TTLL11: variants seen among roughly 807,000 people sequenced by gnomAD.
The protein encoded by TTLL11 is tubulin tyrosine ligase like 11.
In TTLL11, 42 loss-of-function variants were observed where a neutral mutation model predicts 51.7. The ratio of observed to expected loss-of-function variants is 0.81; its 90% CI spans 0.64 to 1.05. TTLL11 has a LOEUF of 1.05. Among genes scored for constraint, TTLL11 ranks in the 50% least tolerant of loss-of-function variants. The pLI is 0.00. For synonymous variants in TTLL11, 381 were observed against 383.5 expected, an observed-to-expected ratio of 0.99 and a Z score of 0.08; for missense variants, 799 against 940.4, an observed-to-expected ratio of 0.85 and a Z score of 1.97.
chr9:121,943,256 C>T (rs1345273950), intron 6 of TTLL11, among the ~76,000 whole-genome samples: 1 of 152,148 alleles, frequency 6.6e-6, no homozygotes, highest in Admixed American at 6.5e-5. Flanking sequence ...CAGTCAAGGG[C>T]CAACTGTATT....
At position 121,989,410 on chromosome 9, in the gene TTLL11, C is replaced by A. The variant is rs765978069; in HGVS notation, c.1054G>T (p.Gly352Cys). The A allele has an allele frequency of 6.2e-7, 1 of 1,613,980 alleles. No homozygotes were observed. The highest frequency in any genetic ancestry group is 1.1e-5 in the South Asian group (1 of 91,076). ...LTNYSLNIHSGNFIHSDSAST... is the reference protein window; with the variant it reads ...LTNYSLNIHSCNFIHSDSAST... ...GCACTGTCCGAGTGGATGAAGTTGCCGCTGTGGATGTTCAGTGAATAGTTG... is the reference window on the plus strand; with the variant it reads ...GCACTGTCCGAGTGGATGAAGTTGCAGCTGTGGATGTTCAGTGAATAGTTG... The change falls in exon 4 of 9, where the codon GGC becomes TGC. Residue 352 changes from glycine (G) to cysteine (C), a missense_variant. By Grantham distance (159) the Gly-to-Cys change is radical (BLOSUM62 -3). Around this residue, in one of 3 missense-constraint regions of TTLL11, gnomAD observed 468 missense variants for 612.8 expected, o/e 0.76. Transcript: ENST00000321582. The surrounding 1 kb of genome is among the most constrained non-coding windows in gnomAD (Gnocchi z 4.2).
At chr9:121,916,266 T>C (rs1438626287) in intron 6 of TTLL11, among the ~76,000 whole-genome samples, 4 of 152,188 alleles carry the variant, frequency 2.6e-5, no homozygotes, top group Non-Finnish European at 5.9e-5. Context: ...GAATCATACA[T>C]AGTGTGATCC....
chr9:121,838,738 A>G, intron 8 of TTLL11, among the ~76,000 whole-genome samples: 1 of 150,898 alleles, frequency 6.6e-6, no homozygotes, highest in Admixed American at 6.6e-5. Flanking sequence ...AAAAGAAAGA[A>G]AGAAAGAGAG....
intron 8 of TTLL11, among the ~76,000 whole-genome samples, chr9:121,832,182 A>G (rs78932080): frequency 0.016 from 2,448 of 152,214 alleles, 65 homozygotes; most frequent in African/African-American, 0.054. Context: ...TTGGTGGGAG[A>G]CACAATTTGG....
rs71508142 is a variant in TTLL11, at chr9:121,873,831, C to CTTTTTTTTTT, written c.1482-3093_1482-3084dup. On this transcript the variant is annotated intron_variant, in intron 6 of 8. Coordinates refer to ENST00000321582, the MANE Select transcript of TTLL11 (RefSeq NM_001139442.2). The stretch of plus-strand genomic sequence containing the variant: ...CAGGTGTGCACCACCATTAGCCTGA[C>CTTTTTTTTTT]TTTTTTTTTTTTTTTTTTTTTTTGA... 5.2e-5 allele frequency among the ~76,000 whole-genome samples: 4 copies of CTTTTTTTTTT among 77,390 alleles called. 1 individual carries two copies. Among genetic ancestry groups the CTTTTTTTTTT allele is most frequent in the African/African-American group, 2.4e-4 (4 of 16,954 alleles). The allele number at this position is 77,390 out of a possible 152,430, so 50.8% of individuals were successfully genotyped here. A position where few individuals can be genotyped will look rare whatever the true frequency, so the allele number is the denominator to read the frequency against.
intron 6 of TTLL11, among the ~76,000 whole-genome samples, chr9:121,942,215 C>T (rs1841503527): frequency 6.6e-6 from 1 of 152,216 alleles, no homozygotes. Flanking sequence ...CAGACTCACC[C>T]TGCCTTAGGG....
At chr9:121,971,182 C>T (rs1194228386) in intron 6 of TTLL11, among the ~76,000 whole-genome samples, 32 of 77,038 alleles carry the variant, frequency 4.2e-4, no homozygotes, top group African/African-American at 8.5e-4. Flanking sequence ...GTCAGCCCCC[C>T]GCCCGGCCAG....
chr9:122,051,033 T>C (rs954480742), intron 1 of TTLL11, among the ~76,000 whole-genome samples: 20 of 152,164 alleles, frequency 1.3e-4, no homozygotes, highest in Admixed American at 5.2e-4. Flanking sequence ...TACACAGCAA[T>C]AGATAATGAA....
Position 121,822,279 on chromosome 9 carries a change from T to G in TTLL11, c.*308A>C. The G allele has an allele frequency of 1.0e-5, 2 of 195,642 alleles. No individual in the cohort carries two copies. 12.1% of individuals were successfully genotyped at this position (195,642 alleles called of 1,614,324 possible). A position where few individuals can be genotyped will look rare whatever the true frequency, so the allele number is the denominator to read the frequency against. ...TGTCCTGTGCCCCAAATACAACAGA[T>G]TTGCCCCAGTTGGTGCTTCCTGTGA... On this transcript the variant is annotated 3_prime_UTR_variant, in exon 9 of 9. Transcript: ENST00000321582. This position sits in a 1 kb window ranked among gnomAD's most constrained non-coding sequence, Gnocchi z 5.8.
At chr9:121,911,547 C>T (rs1840119120) in intron 6 of TTLL11, among the ~76,000 whole-genome samples, 1 of 152,154 alleles carries the variant, frequency 6.6e-6, no homozygotes, top group Non-Finnish European at 1.5e-5. Context: ...AAATGCCCAT[C>T]AATGTTAGAC....
chr9:121,974,211 T>A, intron 5 of TTLL11, 87 bp from the exon 6 acceptor site: 1 of 876,342 alleles, frequency 1.1e-6, no homozygotes, highest in Non-Finnish European at 1.7e-6. Context: ...GTTATACTAG[T>A]AAATTTTGCT....
chr9:121,989,530 T>C lies in TTLL11; in HGVS notation c.934A>G (p.Ile312Val), dbSNP rs1028970042. 1 of 1,614,032 alleles carries C rather than the reference T, an allele frequency of 6.2e-7. No individual in the cohort carries two copies. Among genetic ancestry groups the C allele is most frequent in the Non-Finnish European group, 8.5e-7 (1 of 1,180,020 alleles). Residue 312 changes from isoleucine to valine, a missense_variant, in exon 4 of 9, where the codon ATT (isoleucine) becomes GTT (valine). Physicochemically the swap from Ile to Val is conservative, Grantham distance 29. This residue lies in a region of TTLL11 where 468 missense variants were observed against 612.8 expected (regional missense o/e 0.76). Coordinates refer to ENST00000321582, the MANE Select transcript of TTLL11 (RefSeq NM_001139442.2). The surrounding 1 kb of genome is among the most constrained non-coding windows in gnomAD (Gnocchi z 4.2). ...GAGAGTCCGTCTTTGGCTATATAAA[T>C]CTCTAAGGGGTCTAAGGACTTGAGT... ...VLLKSLDPLE[I>V]YIAKDGLSRF...
intron 1 of TTLL11, among the ~76,000 whole-genome samples, chr9:122,067,302 A>C (rs926949912): frequency 1.3e-5 from 2 of 152,236 alleles, no homozygotes; most frequent in African/African-American, 4.8e-5. Context: ...TCTACCACTC[A>C]AAACAAAAAC....
chr9:122,015,249 T>C (rs1172431680), intron 3 of TTLL11, among the ~76,000 whole-genome samples: 1 of 152,146 alleles, frequency 6.6e-6, no homozygotes, highest in Non-Finnish European at 1.5e-5. Flanking sequence ...GAGCAGCATC[T>C]TGAGTTTCAG....
Position 121,917,541 on chromosome 9 carries a change from GGAAGAA to G in TTLL11, c.1482-46799_1482-46794del, listed in dbSNP as rs1235787696. On this transcript the variant is annotated intron_variant, in intron 6 of 8. Transcript: ENST00000321582. ...AGAAAGAAAGGAAGGAAGGAAGGAA[GGAAGAA>G]AAAGAAAAAGAAAGAAAGAAAGAAA... Among the ~76,000 whole-genome samples, 213 of 124,884 alleles carry G rather than the reference GGAAGAA, an allele frequency of 1.7e-3. 2 individuals carry two copies. The highest frequency in any genetic ancestry group is 7.1e-3 in the African/African-American group (193 of 27,242). 81.9% of individuals were successfully genotyped at this position (124,884 alleles called of 152,430 possible).
In TTLL11 at chr9:121,877,461, C is replaced by T. The variant is rs568433550; in HGVS notation, c.1482-6713G>A. On this transcript the variant is annotated intron_variant, in intron 6 of 8. Transcript: ENST00000321582. ...CCACAGTGACAAGGAAAGGACTTAA[C>T]GAGAGAGCTCTGTCTGCCATCCAAG... Among the ~76,000 whole-genome samples the T allele has an allele frequency of 6.6e-5, 10 of 152,194 alleles. No individual in the cohort carries two copies. The East Asian group carries it at 7.8e-4, about 12-fold the overall frequency.
chr9:121,960,404 T>A (rs1359656523), intron 6 of TTLL11, among the ~76,000 whole-genome samples: 1 of 152,188 alleles, frequency 6.6e-6, no homozygotes, highest in African/African-American at 2.4e-5. Flanking sequence ...CAGCTATGAA[T>A]GTTCTGGAGC....
intron 3 of TTLL11, among the ~76,000 whole-genome samples, chr9:122,022,480 T>C (rs1844210870): frequency 6.6e-6 from 1 of 151,858 alleles, no homozygotes; most frequent in Admixed American, 6.6e-5. Flanking sequence ...AGAAGAGCAA[T>C]ATATTAAAAG....
chr9:121,883,352 C>T (rs7045932), intron 6 of TTLL11, among the ~76,000 whole-genome samples: 3,502 of 152,260 alleles, frequency 0.023, 70 homozygotes, highest in African/African-American at 0.061. Context: ...CTGGTTGGAA[C>T]ATCGTAAGTA....
Sources: gnomAD v4.1 joint callset for allele counts (sites outside exome capture counted in the v4.1 genomes callset) on GRCh38, gnomAD v4.1.1 for gene constraint, gnomAD v4.1.1 regional missense constraint, Gnocchi (gnomAD v3.1) non-coding constraint, MANE v1.5 for transcripts, NCBI Gene and HGNC (gene_info 2026-07-23, HGNC 2026-07-21) for gene names.